The following TSHZ3 variants were observed in gnomAD, a reference collection of about 807,000 sequenced individuals.
The protein encoded by TSHZ3 is teashirt zinc finger homeobox 3.
TSHZ3 carries 10 observed loss-of-function variants against 64.5 expected under a neutral mutation model. The observed-to-expected ratio is 0.16, with a 90% confidence interval of 0.10 to 0.26. The LOEUF (loss-of-function observed/expected upper bound fraction) is 0.26. TSHZ3 is among the 10% of genes least tolerant of loss of function. TSHZ3 has a pLI of 1.00. For synonymous variants in TSHZ3, 608 were observed against 593.1 expected (o/e 1.03, Z -0.36); for missense variants, 1,242 against 1,421.7 (o/e 0.87, Z 2.03).
chr19:31,178,913 G>A (rs1310867887), intron 5 of TSHZ3, among the ~76,000 whole-genome samples: 2 of 152,136 alleles, frequency 1.3e-5, no homozygotes, highest in Non-Finnish European at 2.9e-5. Flanking sequence ...TCTGAAAGTT[G>A]GCTGAAGAAA....
At chr19:31,255,678 G>C (rs138340488) in intron 1 of TSHZ3, among the ~76,000 whole-genome samples, 304 of 152,212 alleles carry the variant, frequency 2.0e-3, no homozygotes, top group African/African-American at 7.1e-3. Context: ...CTGGGGGCAG[G>C]GTCAGCTTGC....
At chr19:31,313,842 G>T (rs1373251801) in intron 1 of TSHZ3, among the ~76,000 whole-genome samples, 1 of 152,194 alleles carries the variant, frequency 6.6e-6, no homozygotes, top group Non-Finnish European at 1.5e-5. Flanking sequence ...ATCGAGAAGG[G>T]TATGGCACTG....
At chr19:31,350,121 G>A (rs1350531903), upstream of TSHZ3, among the ~76,000 whole-genome samples, 1 of 87,200 alleles carries the variant, frequency 1.1e-5, no homozygotes, top group Non-Finnish European at 2.2e-5. Flanking sequence ...CTCTCCACCC[G>A]CCGACTCCGG....
intron 1 of TSHZ3, among the ~76,000 whole-genome samples, chr19:31,258,707 G>A (rs982185993): frequency 3.9e-5 from 6 of 152,212 alleles, no homozygotes; most frequent in Admixed American, 3.9e-4. Context: ...AATAAGGGAA[G>A]GAAGAACTGA....
intron 1 of TSHZ3, among the ~76,000 whole-genome samples, chr19:31,254,399 TG>T (rs757592813): frequency 7.9e-5 from 12 of 152,104 alleles, no homozygotes; most frequent in Admixed American, 6.5e-5. Context: ...GCAGTGAAAC[TG>T]TGATATGCTG....
At chr19:31,206,136 A>AATGG (rs1191966178) in intron 4 of TSHZ3, among the ~76,000 whole-genome samples, 1 of 143,576 alleles carries the variant, frequency 7.0e-6, no homozygotes, top group Non-Finnish European at 1.5e-5. Context: ...TGGATAAATG[A>AATGG]ATGGATGGAT....
At chr19:31,194,361 A>C (rs1304328240) in intron 5 of TSHZ3, among the ~76,000 whole-genome samples, 1 of 152,210 alleles carries the variant, frequency 6.6e-6, no homozygotes, top group Non-Finnish European at 1.5e-5. Flanking sequence ...CTTCTTAACA[A>C]GGTCTGCCCT....
intron 3 of TSHZ3, among the ~76,000 whole-genome samples, chr19:31,238,094 T>C (rs1975643458): frequency 6.6e-6 from 1 of 152,184 alleles, no homozygotes; most frequent in Non-Finnish European, 1.5e-5. Context: ...TTCTATAATG[T>C]CAATTATATA....
At position 31,164,270 on chromosome 19, in the gene TSHZ3, C is replaced by T. The variant is rs577034536; in HGVS notation, n.810-7853G>A. ...CATGGAAGCTGAATGCCCCGCTGTT[C>T]CTGCACTGCGAATTCTGGGGACGCG... On this transcript the variant is annotated intron_variant and non_coding_transcript_variant, in intron 5 of 6. Transcript: ENST00000651361. Among the ~76,000 whole-genome samples, 76 of 152,300 alleles carry T rather than the reference C, an allele frequency of 5.0e-4. 1 individual carries two copies. The highest frequency in any genetic ancestry group is 1.8e-3 in the African/African-American group (75 of 41,570).
Position 31,257,583 on chromosome 19 carries a change from G to C in TSHZ3, n.64-14708C>G, listed in dbSNP as rs531389348. On this transcript the variant is annotated intron_variant and non_coding_transcript_variant, in intron 1 of 6. Transcript: ENST00000651361. ...CTCCAAATTATCCACTCTGGAGAAGGAAGGCTCCTCCGCTGTTGGTCAGGC... is the reference window on the plus strand; with the variant it reads ...CTCCAAATTATCCACTCTGGAGAAGCAAGGCTCCTCCGCTGTTGGTCAGGC... Among the ~76,000 whole-genome samples, 7 of 152,310 alleles carry C rather than the reference G, an allele frequency of 4.6e-5. No homozygotes were observed. The South Asian group carries it at 1.5e-3, about 32-fold the overall frequency.
chr19:31,347,191 TA>T (rs5827764), intron 1 of TSHZ3, among the ~76,000 whole-genome samples: 75,974 of 143,696 alleles, frequency 0.53, 20,053 homozygotes, highest in East Asian at 0.9. Context: ...TGGCTTTCTT[TA>T]AAAAAAAAAA....
At chr19:31,343,629 T>C (rs1917498365) in intron 1 of TSHZ3, among the ~76,000 whole-genome samples, 1 of 152,188 alleles carries the variant, frequency 6.6e-6, no homozygotes, top group Non-Finnish European at 1.5e-5. Context: ...CTGTCTTTTT[T>C]TTTTTACTTC....
chr19:31,249,726 G>A (rs898196322), intron 1 of TSHZ3, among the ~76,000 whole-genome samples: 1 of 152,168 alleles, frequency 6.6e-6, no homozygotes, highest in African/African-American at 2.4e-5. Flanking sequence ...GATGGAGGGA[G>A]ACCCCAGAGA....
At chr19:31,340,696 T>C (rs1265538116) in intron 1 of TSHZ3, among the ~76,000 whole-genome samples, 1 of 152,160 alleles carries the variant, frequency 6.6e-6, no homozygotes, top group Non-Finnish European at 1.5e-5. Flanking sequence ...AAAACCAGTC[T>C]AGGAGTCACT....
chr19:31,188,747 ATTTTC>A (rs962236079), intron 5 of TSHZ3, among the ~76,000 whole-genome samples: 3 of 151,736 alleles, frequency 2.0e-5, no homozygotes, highest in Non-Finnish European at 4.4e-5. Flanking sequence ...CTGGCTTGTA[ATTTTC>A]TTTTATTTTA....
chr19:31,236,355 CA>C (rs1975614959), intron 3 of TSHZ3, among the ~76,000 whole-genome samples: 1 of 152,122 alleles, frequency 6.6e-6, no homozygotes, highest in Non-Finnish European at 1.5e-5. Context: ...GGTGATATCT[CA>C]TTGTGGTTTT....
intron 4 of TSHZ3, among the ~76,000 whole-genome samples, chr19:31,209,934 A>G (rs10420755): frequency 0.71 from 108,180 of 151,992 alleles, 38,897 homozygotes; most frequent in African/African-American, 0.82. Context: ...TCTAGGAACA[A>G]AGGGAGAGAA....
intron 1 of TSHZ3, among the ~76,000 whole-genome samples, chr19:31,309,606 C>T (rs192002293): frequency 6.6e-6 from 1 of 152,260 alleles, no homozygotes; most frequent in Admixed American, 6.5e-5. Flanking sequence ...GAAACAGGCC[C>T]CGAACTAAGA....
intron 5 of TSHZ3, among the ~76,000 whole-genome samples, chr19:31,193,348 C>G (rs553558897): frequency 6.6e-6 from 1 of 152,296 alleles, no homozygotes; most frequent in East Asian, 1.9e-4. Context: ...CCTCCACACT[C>G]TTATTCTCCT....
Sources: gnomAD v4.1 joint callset for allele counts (sites outside exome capture counted in the v4.1 genomes callset) on GRCh38, gnomAD v4.1.1 for gene constraint, MANE v1.5 for transcripts, NCBI Gene and HGNC (gene_info 2026-07-23, HGNC 2026-07-21) for gene names.